Variants in GTPBP6 observed in about 807,000 individuals in gnomAD.
GTPBP6 encodes putative GTP-binding protein 6.
GTPBP6 carries 33 observed loss-of-function variants against 28.9 expected under a neutral mutation model. The observed-to-expected ratio is 1.14, with a 90% CI of 0.87 to 1.53. GTPBP6 has a LOEUF of 1.53. GTPBP6 is among the 40% of genes most tolerant of loss of function. The probability of loss-of-function intolerance (pLI) is 0.00; values close to 1 mark genes in which losing one functional copy is unlikely to be tolerated. For synonymous variants in GTPBP6, 231 were observed against 192.7 expected, an observed-to-expected ratio of 1.20 and a Z score of -1.65; for missense variants, 507 against 408.3, an observed-to-expected ratio of 1.24 and a Z score of -2.08.
At chrX:317,092 C>T in intron 1 of GTPBP6, 41 bp from the exon 2 acceptor site, 1 of 338,474 alleles carries the variant, frequency 3.0e-6, no homozygotes, top group Non-Finnish European at 4.8e-6. Context: ...CGCTTCTGCC[C>T]GGGGCCCCCG....
chrX:313,332 A>G (rs1020044426), intron 5 of GTPBP6, among the ~76,000 whole-genome samples: 1 of 151,794 alleles, frequency 6.6e-6, no homozygotes, highest in Non-Finnish European at 1.5e-5. Context: ...TCAAAATATC[A>G]CCCTAGGTTA....
At chrX:315,353 T>G (rs1232056045) in intron 2 of GTPBP6, 54 bp from the exon 3 acceptor site, 1 of 398,412 alleles carries the variant, frequency 2.5e-6, no homozygotes, top group African/African-American at 2.1e-5. Context: ...CCGTGGACTG[T>G]GGGATGAGCC....
At chrX:316,637 C>T (rs1336707349) in intron 2 of GTPBP6, among the ~76,000 whole-genome samples, 1 of 152,158 alleles carries the variant, frequency 6.6e-6, no homozygotes, top group Non-Finnish European at 1.5e-5. Context: ...AGCCGGTCCA[C>T]CGCCTACCCT....
intron 7 of GTPBP6, among the ~76,000 whole-genome samples, chrX:310,291 G>A (rs1312676359): frequency 6.9e-6 from 1 of 144,532 alleles, no homozygotes; most frequent in African/African-American, 2.6e-5. Flanking sequence ...AGGAGACACA[G>A]ACACAGAGGA....
chrX:315,104 A>G, intron 3 of GTPBP6, 84 bp from the exon 4 acceptor site: 1 of 398,638 alleles, frequency 2.5e-6, no homozygotes, highest in Non-Finnish European at 4.4e-6. Flanking sequence ...GACGTCTCTA[A>G]TGCCTTAACC....
intron 7 of GTPBP6, among the ~76,000 whole-genome samples, 182 bp from the exon 8 acceptor site, chrX:308,062 G>A (rs146989571): frequency 0.028 from 4,309 of 151,622 alleles, 173 homozygotes; most frequent in African/African-American, 0.096. Context: ...CAGTGGACGC[G>A]AGCCCACCCG....
chrX:312,414 TA>T (rs2070326581), intron 6 of GTPBP6: 1 of 521,952 alleles, frequency 1.9e-6, no homozygotes, highest in Non-Finnish European at 3.7e-6. Flanking sequence ...AGGGTGGTGG[TA>T]TAGATAGGGC....
intron 2 of GTPBP6, 132 bp from the exon 3 acceptor site, chrX:315,431 G>A (rs1323397613): frequency 7.3e-5 from 29 of 398,364 alleles, no homozygotes; most frequent in Admixed American, 2.6e-4. Flanking sequence ...TCCTGAGCAC[G>A]AGACCCGGGA....
chrX:307,966 A>C, intron 7 of GTPBP6, 86 bp from the exon 8 acceptor site: 1 of 1,211,648 alleles, frequency 8.3e-7, no homozygotes, highest in African/African-American at 1.5e-5. Flanking sequence ...AGGGGCTCAC[A>C]CGAGCTCCCA....
Position 317,068 on chromosome X carries a change from G to A in GTPBP6, c.350-17C>T, listed in dbSNP as rs2070452086. On this transcript the variant is annotated splice_polypyrimidine_tract_variant and intron_variant, in intron 1 of 9. Transcript: ENST00000326153. Reference sequence around the variant, plus strand: ...GCCACTCGGCTGCGGGGACACAAGGGCCACCGTGAGAGACGCTTCTGCCCG... The same window carrying A: ...GCCACTCGGCTGCGGGGACACAAGGACCACCGTGAGAGACGCTTCTGCCCG... 1.5e-5 allele frequency: 6 copies of A among 398,272 alleles called. No homozygotes were observed. The highest frequency in any genetic ancestry group is 1.3e-4 in the South Asian group (1 of 7,864). 24.7% of individuals were successfully genotyped at this position (398,272 alleles called of 1,614,324 possible).
intron 2 of GTPBP6, 106 bp downstream of exon 2, chrX:316,808 C>A: frequency 2.5e-6 from 1 of 398,982 alleles, no homozygotes; most frequent in Non-Finnish European, 4.4e-6. Context: ...CGCTTCCCCT[C>A]TGGCCCCGCA....
chrX:304,965 C>T, exon 10 of GTPBP6: 1 of 1,515,358 alleles, frequency 6.6e-7, no homozygotes, highest in Non-Finnish European at 8.9e-7. Flanking sequence ...CAGAACCAGA[C>T]AAGGAGGACC....
chrX:309,856 A>T (rs2070248429), intron 7 of GTPBP6, among the ~76,000 whole-genome samples: 1 of 144,864 alleles, frequency 6.9e-6, no homozygotes, highest in South Asian at 2.2e-4. Context: ...TGCAGATGTG[A>T]TTAAGTGGAA....
intron 5 of GTPBP6, among the ~76,000 whole-genome samples, chrX:313,392 G>C (rs2070355156): frequency 6.6e-6 from 1 of 152,164 alleles, no homozygotes; most frequent in East Asian, 1.9e-4. Flanking sequence ...GCAGAGACCG[G>C]AGTGACGAGG....
intron 2 of GTPBP6, among the ~76,000 whole-genome samples, chrX:315,742 G>C (rs1441549909): frequency 4.9e-4 from 8 of 16,300 alleles, no homozygotes; most frequent in Admixed American, 1.9e-3. Context: ...CACACACACA[G>C]ACACATACAC....
chrX:314,352 G>T, intron 4 of GTPBP6, 135 bp from the exon 5 acceptor site: 1 of 757,380 alleles, frequency 1.3e-6, no homozygotes, highest in Non-Finnish European at 2.4e-6. Flanking sequence ...GCCCCGCTCC[G>T]CGTGTAGCTC....
At chrX:318,141 C>T (rs1235411155) in intron 1 of GTPBP6, among the ~76,000 whole-genome samples, 1 of 151,276 alleles carries the variant, frequency 6.6e-6, no homozygotes, top group African/African-American at 2.4e-5. Context: ...AGGTCAGAGC[C>T]CCGTCCCTGA....
intron 7 of GTPBP6, among the ~76,000 whole-genome samples, chrX:309,011 C>T (rs2070230846): frequency 1.3e-5 from 2 of 152,264 alleles, no homozygotes; most frequent in Non-Finnish European, 2.9e-5. Context: ...AGGCGTGAGC[C>T]ACCACACCCG....
chrX:305,391 A>G (rs367678246), intron 9 of GTPBP6, among the ~76,000 whole-genome samples, 194 bp from the exon 10 acceptor site: 6 of 141,736 alleles, frequency 4.2e-5, no homozygotes, highest in East Asian at 2.1e-4. Flanking sequence ...GCGCGATCTC[A>G]GCTCACTGCA....
Sources: gnomAD v4.1 joint callset for allele counts (sites outside exome capture counted in the v4.1 genomes callset) on GRCh38, gnomAD v4.1.1 for gene constraint, MANE v1.5 for transcripts, NCBI Gene and HGNC (gene_info 2026-07-23, HGNC 2026-07-21) for gene names.